The following MAD1L1 variants were observed in gnomAD, a reference collection of about 807,000 sequenced individuals.
MAD1L1 encodes mitotic spindle assembly checkpoint protein MAD1.
MAD1L1 carries 95 observed loss-of-function variants against 96.9 expected under a neutral mutation model. That is an observed-to-expected ratio of 0.98 (90% CI 0.83 to 1.16). The LOEUF is 1.16. Ranked by LOEUF, MAD1L1 falls within the 50% of genes most tolerant of loss-of-function variation. MAD1L1 has a pLI of 0.00. For missense variants in MAD1L1, 1,007 were observed against 954.4 expected, an observed-to-expected ratio of 1.06 and a Z score of -0.73; for synonymous variants, 473 against 396.6, an observed-to-expected ratio of 1.19 and a Z score of -2.29.
At chr7:2,167,544 G>A (rs1045039048) in intron 10 of MAD1L1, among the ~76,000 whole-genome samples, 8 of 150,570 alleles carry the variant, frequency 5.3e-5, no homozygotes, top group Non-Finnish European at 7.4e-5. Flanking sequence ...GCGAGACTCC[G>A]TCTCAAAAAA....
At chr7:1,944,349 C>T (rs1437488561) in intron 16 of MAD1L1, among the ~76,000 whole-genome samples, 1 of 152,064 alleles carries the variant, frequency 6.6e-6, no homozygotes, top group African/African-American at 2.4e-5. Context: ...TTCAAAGGGA[C>T]GAGGTACGTG....
Position 1,959,462 on chromosome 7 carries a change from A to T in MAD1L1, c.1506-1743T>A, listed in dbSNP as rs529605237. ...AAGCCACAGATGTAGAAAGCTCAAC[A>T]GACACGAGGCAGCGCAAGGAACACA... On this transcript the variant is annotated intron_variant, in intron 15 of 18. Coordinates refer to ENST00000265854, the MANE Select transcript of MAD1L1 (RefSeq NM_001013836.2). Among the ~76,000 whole-genome samples, 3 of 152,310 alleles carry T rather than the reference A, an allele frequency of 2.0e-5. No individual in the cohort carries two copies. In the East Asian group the frequency reaches 5.8e-4, roughly 29 times the overall value.
In MAD1L1 at chr7:1,827,597, T is replaced by G. The variant is rs7798850; in HGVS notation, c.1999-11369A>C. On this transcript the variant is annotated intron_variant, in intron 18 of 18. Coordinates refer to ENST00000265854, the MANE Select transcript of MAD1L1 (RefSeq NM_001013836.2). The stretch of plus-strand genomic sequence containing the variant: ...GTGGCATCCTCCCCTCCTGAGCCCG[T>G]CCCGGGTGTGGGGTCCTCCCCTCCT... Among the ~76,000 whole-genome samples, 232 of 84,334 alleles carry G rather than the reference T, an allele frequency of 2.8e-3. 1 individual carries two copies. The highest frequency in any genetic ancestry group is 9.7e-3 in the African/African-American group (198 of 20,468). 55.3% of individuals were successfully genotyped at this position (84,334 alleles called of 152,430 possible).
intron 12 of MAD1L1, among the ~76,000 whole-genome samples, chr7:2,027,242 T>C (rs1354302234): frequency 6.6e-6 from 1 of 152,186 alleles, no homozygotes; most frequent in Non-Finnish European, 1.5e-5. Context: ...AAGAAACCCC[T>C]AGGCCCAGAT....
rs149642609 is a variant in MAD1L1, at chr7:2,015,237, G to A, written c.1219-595C>T. 3.8e-3 allele frequency among the ~76,000 whole-genome samples: 583 copies of A among 152,304 alleles called. 6 individuals carry two copies. Among genetic ancestry groups the A allele is most frequent in the African/African-American group, 0.013 (534 of 41,566 alleles). ...ACCCATCGCTCGTCCAACCGCCCAG[G>A]GCTCTCGGGAAGGCTGAGTCCCCGC... is the stretch of plus-strand genomic sequence containing the variant. On this transcript the variant is annotated intron_variant, in intron 12 of 18. Transcript: ENST00000265854.
chr7:2,178,528 G>A (rs933920010), intron 10 of MAD1L1, among the ~76,000 whole-genome samples: 2 of 152,218 alleles, frequency 1.3e-5, no homozygotes, highest in Non-Finnish European at 2.9e-5. Context: ...ACCTCAAGAA[G>A]AGGGGAATTC....
At chr7:2,109,766 A>C (rs545051186) in intron 11 of MAD1L1, among the ~76,000 whole-genome samples, 1 of 152,394 alleles carries the variant, frequency 6.6e-6, no homozygotes, top group Admixed American at 6.5e-5. Context: ...TTTTAAACTA[A>C]TTGAATGTTG....
intron 11 of MAD1L1, chr7:2,080,071 G>A (rs1785562240): frequency 4.9e-6 from 1 of 204,312 alleles, no homozygotes; most frequent in South Asian, 7.7e-5. Context: ...GAAGCCCCAA[G>A]GGGCCACATG....
intron 18 of MAD1L1, among the ~76,000 whole-genome samples, chr7:1,876,462 T>C (rs113534429): frequency 0.026 from 3,906 of 151,754 alleles, 153 homozygotes; most frequent in African/African-American, 0.088. Flanking sequence ...GTTAGGGCTT[T>C]ATGGAGTCAC....
chr7:2,217,134 C>G (rs1166290432), intron 7 of MAD1L1, among the ~76,000 whole-genome samples: 1 of 152,248 alleles, frequency 6.6e-6, no homozygotes, highest in Admixed American at 6.5e-5. Flanking sequence ...TTCTGCCACT[C>G]TAGCAGCACG....
At chr7:2,225,331 T>C in intron 4 of MAD1L1, 79 bp downstream of exon 4, 3 of 1,510,816 alleles carry the variant, frequency 2.0e-6, no homozygotes, top group Non-Finnish European at 2.7e-6. Context: ...TGTGATTTCT[T>C]ATAACCTGGC....
intron 17 of MAD1L1, among the ~76,000 whole-genome samples, chr7:1,927,425 G>C (rs556427191): frequency 1.3e-5 from 2 of 152,166 alleles, no homozygotes; most frequent in Non-Finnish European, 2.9e-5. Flanking sequence ...TGCTGATTTC[G>C]AGACTTACTA....
intron 12 of MAD1L1, among the ~76,000 whole-genome samples, chr7:2,052,209 C>T (rs146038572): frequency 1.3e-5 from 2 of 152,278 alleles, no homozygotes; most frequent in East Asian, 1.9e-4. Context: ...GCCACGCGCA[C>T]AGCCACAGCT....
At chr7:2,099,428 A>G (rs536080334) in intron 11 of MAD1L1, among the ~76,000 whole-genome samples, 3 of 152,362 alleles carry the variant, frequency 2.0e-5, no homozygotes, top group African/African-American at 7.2e-5. Flanking sequence ...TGCAGCAGAG[A>G]TAAGTAATGT....
chr7:1,944,107 A>G (rs567129769), intron 16 of MAD1L1, among the ~76,000 whole-genome samples: 19 of 152,216 alleles, frequency 1.2e-4, no homozygotes, highest in African/African-American at 4.6e-4. Flanking sequence ...ACTCCCTCCC[A>G]GGAAATGCTC....
chr7:1,957,669 T>A lies in MAD1L1; in HGVS notation c.1556A>T (p.Lys519Met), dbSNP rs1779784805. Reference sequence around the variant, plus strand: ...CTCCAGCTGTGCCTCCAGCATCCTCTTTTCCTCCTCCAGCCGACTCCGCTC... The same window carrying A: ...CTCCAGCTGTGCCTCCAGCATCCTCATTTCCTCCTCCAGCCGACTCCGCTC... The part of the protein sequence containing the change: ...EGERSRLEEE[K>M]RMLEAQLERR... The change falls in exon 16 of 19, where the codon AAG becomes ATG. Residue 519 changes from lysine to methionine, a missense_variant. Physicochemically the swap from Lys to Met is moderately conservative, Grantham distance 95 (BLOSUM62 -1). Coordinates refer to ENST00000265854, the MANE Select transcript of MAD1L1 (RefSeq NM_001013836.2). The A allele has an allele frequency of 2.5e-6, 4 of 1,614,092 alleles. No homozygotes were observed. Among genetic ancestry groups the A allele is most frequent in the Non-Finnish European group, 3.4e-6 (4 of 1,180,030 alleles).
Position 2,168,630 on chromosome 7 carries a change from A to G in MAD1L1, c.987-19392T>C, listed in dbSNP as rs7793944. On this transcript the variant is annotated intron_variant, in intron 10 of 18. Coordinates refer to ENST00000265854, the MANE Select transcript of MAD1L1 (RefSeq NM_001013836.2). ...CTGTGATTCTCCTTCAGCAAACAAA[A>G]ATCGCCTAAGAATCTCTTCCTTCTG... Among the ~76,000 whole-genome samples, 550 of 152,362 alleles carry G rather than the reference A, an allele frequency of 3.6e-3. 2 individuals carry two copies. The highest frequency in any genetic ancestry group is 0.013 in the African/African-American group (524 of 41,590).
At chr7:1,995,215 CGGGGG>C (rs1319800066) in intron 14 of MAD1L1, among the ~76,000 whole-genome samples, 1 of 152,150 alleles carries the variant, frequency 6.6e-6, no homozygotes, top group African/African-American at 2.4e-5. Flanking sequence ...GGAGAAGCCT[CGGGGG>C]GCACCTCGGG....
intron 5 of MAD1L1, chr7:2,221,132 C>G: frequency 2.0e-6 from 2 of 1,008,448 alleles, no homozygotes; most frequent in South Asian, 3.1e-5. Context: ...TGCAGCGCCA[C>G]CATCTTCCCC....
Sources: gnomAD v4.1 joint callset for allele counts (sites outside exome capture counted in the v4.1 genomes callset) on GRCh38, gnomAD v4.1.1 for gene constraint, MANE v1.5 for transcripts, NCBI Gene and HGNC (gene_info 2026-07-23, HGNC 2026-07-21) for gene names.